ATP8A1: variants seen among roughly 807,000 people sequenced by gnomAD.
ATP8A1 encodes ATPase phospholipid transporting 8A1.
ATP8A1 carries 90 observed loss-of-function variants against 177.7 expected under a neutral mutation model. The observed-to-expected ratio is 0.51, with a 90% confidence interval of 0.43 to 0.60. The LOEUF (loss-of-function observed/expected upper bound fraction) is 0.60, where lower values mean the gene tolerates loss of function less well. ATP8A1 is among the 20% of genes least tolerant of loss of function. The probability of loss-of-function intolerance (pLI) is 0.00; values close to 1 mark genes in which losing one functional copy is unlikely to be tolerated. For missense variants in ATP8A1, 1,072 were observed against 1,392.8 expected, an observed-to-expected ratio of 0.77 and a Z score of 3.67; for synonymous variants, 493 against 485.9, an observed-to-expected ratio of 1.01 and a Z score of -0.19.
intron 5 of ATP8A1, among the ~76,000 whole-genome samples, chr4:42,615,684 C>T (rs1182908735): frequency 6.6e-6 from 1 of 152,138 alleles, no homozygotes; most frequent in East Asian, 1.9e-4. Context: ...TGATTATTTT[C>T]TATACATCTT....
At chr4:42,574,535 C>T (rs1243789341) in intron 14 of ATP8A1, 84 bp downstream of exon 14, 3 of 1,082,400 alleles carry the variant, frequency 2.8e-6, no homozygotes, top group South Asian at 1.4e-5. Context: ...CCATACCCTC[C>T]CCTAATAAGA....
chr4:42,503,672 T>A (rs780446867), intron 23 of ATP8A1, among the ~76,000 whole-genome samples, 158 bp from the exon 24 acceptor site: 2 of 152,186 alleles, frequency 1.3e-5, no homozygotes, highest in Admixed American at 6.5e-5. Flanking sequence ...AAACATGAAA[T>A]GCTCTTGCTT....
intron 24 of ATP8A1, among the ~76,000 whole-genome samples, chr4:42,492,841 A>G (rs1455062880): frequency 6.6e-6 from 1 of 152,270 alleles, no homozygotes; most frequent in African/African-American, 2.4e-5. Flanking sequence ...CAGAATGAAC[A>G]TAAGTTCAGG....
intron 1 of ATP8A1, among the ~76,000 whole-genome samples, chr4:42,636,348 C>G (rs1739390733): frequency 6.6e-6 from 1 of 152,006 alleles, no homozygotes; most frequent in Admixed American, 6.6e-5. Flanking sequence ...TAGAGCAGAA[C>G]AGTCACTTCA....
chr4:42,504,882 TC>T (rs1406868076), intron 23 of ATP8A1, among the ~76,000 whole-genome samples: 5 of 152,338 alleles, frequency 3.3e-5, no homozygotes, highest in African/African-American at 7.2e-5. Flanking sequence ...CTGCTACTAT[TC>T]TTTCTTTTAT....
chr4:42,429,381 G>GTTTTTTTTT (rs140094527), intron 33 of ATP8A1, among the ~76,000 whole-genome samples: 1 of 150,148 alleles, frequency 6.7e-6, no homozygotes. Context: ...AAATAAAAGT[G>GTTTTTTTTT]TTTTGTTTTT....
chr4:42,508,200 T>C (rs989344952), intron 22 of ATP8A1, among the ~76,000 whole-genome samples: 3 of 152,220 alleles, frequency 2.0e-5, no homozygotes, highest in South Asian at 2.1e-4. Context: ...TGGTGCCATC[T>C]TGGCTCACCA....
At chr4:42,537,301 T>C (rs1727947268) in intron 20 of ATP8A1, among the ~76,000 whole-genome samples, 1 of 151,542 alleles carries the variant, frequency 6.6e-6, no homozygotes, top group Admixed American at 6.6e-5. Flanking sequence ...GACAAACCCA[T>C]AGTCAACATT....
chr4:42,444,677 A>G, intron 31 of ATP8A1, 43 bp from the exon 32 acceptor site: 1 of 1,559,036 alleles, frequency 6.4e-7, no homozygotes, highest in Non-Finnish European at 8.8e-7. Context: ...CATAAACATG[A>G]AAGTTCATCA....
chr4:42,534,189 A>T (rs1190112059), intron 20 of ATP8A1, among the ~76,000 whole-genome samples: 5 of 152,268 alleles, frequency 3.3e-5, no homozygotes, highest in Non-Finnish European at 5.9e-5. Context: ...GAATTGCCAG[A>T]AACAGAATTC....
intron 15 of ATP8A1, among the ~76,000 whole-genome samples, chr4:42,567,822 T>C (rs1731507634): frequency 6.6e-6 from 1 of 152,208 alleles, no homozygotes; most frequent in African/African-American, 2.4e-5. Flanking sequence ...ATATTTTGAA[T>C]GACGTGAGTA....
intron 20 of ATP8A1, among the ~76,000 whole-genome samples, chr4:42,534,256 T>C (rs1281395467): frequency 6.6e-6 from 1 of 152,098 alleles, no homozygotes; most frequent in African/African-American, 2.4e-5. Flanking sequence ...AAGTCTAACT[T>C]AAATAAATCC....
At chr4:42,483,475 A>G (rs2153188733) in intron 25 of ATP8A1, among the ~76,000 whole-genome samples, 1 of 151,842 alleles carries the variant, frequency 6.6e-6, no homozygotes, top group Admixed American at 6.6e-5. Context: ...CCGAGGGAGG[A>G]AGGGGCCACA....
At chr4:42,635,065 A>T (rs1178594305) in intron 1 of ATP8A1, among the ~76,000 whole-genome samples, 1 of 152,204 alleles carries the variant, frequency 6.6e-6, no homozygotes, top group Non-Finnish European at 1.5e-5. Context: ...ACATTTACTT[A>T]TTTTGGATAA....
intron 5 of ATP8A1, among the ~76,000 whole-genome samples, chr4:42,615,054 CAT>C (rs918622518): frequency 2.0e-5 from 3 of 152,306 alleles, no homozygotes; most frequent in African/African-American, 2.4e-5. Flanking sequence ...TGTACTTTTA[CAT>C]GTTTTTACAT....
At chr4:42,472,990 C>A (rs1055820292) in intron 25 of ATP8A1, among the ~76,000 whole-genome samples, 6 of 151,958 alleles carry the variant, frequency 3.9e-5, no homozygotes, top group African/African-American at 1.5e-4. Context: ...ATGGAAAAGG[C>A]AAGAAGAATA....
intron 30 of ATP8A1, among the ~76,000 whole-genome samples, chr4:42,451,603 A>C (rs1717938514): frequency 6.6e-6 from 1 of 152,232 alleles, no homozygotes; most frequent in African/African-American, 2.4e-5. Flanking sequence ...TCAAAATACC[A>C]GCATGTCTGA....
intron 20 of ATP8A1, among the ~76,000 whole-genome samples, chr4:42,527,106 A>T (rs1418140926): frequency 6.6e-6 from 1 of 152,222 alleles, no homozygotes; most frequent in African/African-American, 2.4e-5. Context: ...GAAAATGATG[A>T]ACTCAGGGAT....
intron 35 of ATP8A1, among the ~76,000 whole-genome samples, chr4:42,422,480 CATTT>C (rs1346642394): frequency 3.3e-5 from 5 of 152,074 alleles, no homozygotes; most frequent in African/African-American, 1.2e-4. Context: ...TTGTAACTGC[CATTT>C]ATTTAATGCT....
Sources: gnomAD v4.1 joint callset for allele counts (sites outside exome capture counted in the v4.1 genomes callset) on GRCh38, gnomAD v4.1.1 for gene constraint, MANE v1.5 for transcripts, NCBI Gene and HGNC (gene_info 2026-07-23, HGNC 2026-07-21) for gene names.